The following PPP1R12B variants were observed in gnomAD, a reference collection of about 807,000 sequenced individuals.
The protein encoded by PPP1R12B is protein phosphatase 1 regulatory subunit 12B, also known as myosin phosphatase target subunit 2.
A neutral mutation model predicts 126.1 loss-of-function variants in PPP1R12B; 76 were observed. The observed-to-expected ratio is 0.60, with a 90% CI of 0.50 to 0.73. The LOEUF (loss-of-function observed/expected upper bound fraction) is 0.73. PPP1R12B is among the 30% of genes least tolerant of loss of function. The pLI, the probability that PPP1R12B is intolerant of heterozygous loss-of-function variation, is 0.00. For synonymous variants in PPP1R12B, 356 were observed against 434.7 expected, an observed-to-expected ratio of 0.82 and a Z score of 2.25; for missense variants, 1,052 against 1,205.1, an observed-to-expected ratio of 0.87 and a Z score of 1.88.
chr1:202,356,380 G>A (rs1445119716), intron 1 of PPP1R12B, among the ~76,000 whole-genome samples: 1 of 152,086 alleles, frequency 6.6e-6, no homozygotes, highest in Non-Finnish European at 1.5e-5. Flanking sequence ...GAAAACACAA[G>A]CAGCTGGTAG....
intron 12 of PPP1R12B, among the ~76,000 whole-genome samples, chr1:202,446,742 T>A (rs557853399): frequency 6.6e-6 from 1 of 151,774 alleles, no homozygotes; most frequent in East Asian, 1.9e-4. Context: ...TATGTAACGA[T>A]AAATCTAAAT....
intron 1 of PPP1R12B, among the ~76,000 whole-genome samples, chr1:202,403,808 T>C (rs1041206724): frequency 1.3e-5 from 2 of 152,224 alleles, no homozygotes; most frequent in African/African-American, 4.8e-5. Context: ...ATTCCCTGTT[T>C]TGTCTAAGTG....
intron 1 of PPP1R12B, among the ~76,000 whole-genome samples, chr1:202,362,613 G>A (rs2148413780): frequency 6.7e-6 from 1 of 148,874 alleles, no homozygotes; most frequent in African/African-American, 2.5e-5. Flanking sequence ...AGCTCTGTGT[G>A]TGCTATAGCC....
chr1:202,448,922 G>T lies in PPP1R12B; in HGVS notation c.1668-67G>T, dbSNP rs1171834550. ...ACCACTCTTTAATCCTTCTGTCTCT[G>T]TGCCAGTGCTTTGTTGTATAGCATG... is the stretch of plus-strand genomic sequence containing the variant. On this transcript the variant is annotated intron_variant, in intron 12 of 23. Coordinates refer to ENST00000608999, the MANE Select transcript of PPP1R12B (RefSeq NM_002481.4). The T allele has an allele frequency of 4.0e-6, 6 of 1,495,000 alleles. No homozygotes were observed. In the Admixed American group the frequency reaches 1.0e-4, roughly 26 times the overall value. 92.6% of individuals were successfully genotyped at this position (1,495,000 alleles called of 1,614,324 possible).
At chr1:202,388,764 CAA>C (rs1045453472) in intron 1 of PPP1R12B, among the ~76,000 whole-genome samples, 3 of 152,034 alleles carry the variant, frequency 2.0e-5, no homozygotes, top group African/African-American at 7.2e-5. Flanking sequence ...TAACTCTAGT[CAA>C]AATTTCCATG....
intron 10 of PPP1R12B, 137 bp downstream of exon 10, chr1:202,438,161 C>T: frequency 6.4e-7 from 1 of 1,560,662 alleles, no homozygotes; most frequent in Non-Finnish European, 8.6e-7. Flanking sequence ...GAGAGAGAGG[C>T]ACACTGATAG....
At position 202,525,128 on chromosome 1, in the gene PPP1R12B, C is replaced by A. The variant is rs149677152; in HGVS notation, c.2490+28306C>A. 4.9e-3 allele frequency among the ~76,000 whole-genome samples: 747 copies of A among 152,310 alleles called. 5 individuals are homozygous for A. Among genetic ancestry groups the A allele is most frequent in the Non-Finnish European group, 8.2e-3 (555 of 68,034 alleles). On this transcript the variant is annotated intron_variant, in intron 18 of 23. Transcript: ENST00000608999. Reference sequence around the variant, plus strand: ...TCCTGACCTCAAGTGATCTTCCCACCTTGGCTTCCCAAAGTGCTGGGATTA... The same window carrying A: ...TCCTGACCTCAAGTGATCTTCCCACATTGGCTTCCCAAAGTGCTGGGATTA...
chr1:202,439,268 C>A, intron 10 of PPP1R12B: 1 of 1,399,382 alleles, frequency 7.1e-7, no homozygotes, highest in Non-Finnish European at 1.0e-6. Context: ...TCCACAGAGG[C>A]AAGATACTGG....
chr1:202,394,999 C>T (rs1465721289), intron 1 of PPP1R12B, among the ~76,000 whole-genome samples: 1 of 151,418 alleles, frequency 6.6e-6, no homozygotes, highest in East Asian at 1.9e-4. Flanking sequence ...GCGCTGTAAT[C>T]CCAGCTACTT....
intron 1 of PPP1R12B, among the ~76,000 whole-genome samples, chr1:202,389,373 G>A (rs1298375248): frequency 3.3e-5 from 5 of 152,184 alleles, no homozygotes; most frequent in South Asian, 4.1e-4. Flanking sequence ...GGCCGGGCGC[G>A]GTGGCTCATG....
intron 18 of PPP1R12B, among the ~76,000 whole-genome samples, chr1:202,537,412 A>G (rs1684660093): frequency 6.6e-6 from 1 of 152,148 alleles, no homozygotes; most frequent in Non-Finnish European, 1.5e-5. Context: ...GTTCCATTAT[A>G]GTCTTATGCA....
At chr1:202,483,814 G>A (rs1185831049) in intron 13 of PPP1R12B, among the ~76,000 whole-genome samples, 1 of 152,134 alleles carries the variant, frequency 6.6e-6, no homozygotes, top group Non-Finnish European at 1.5e-5. Context: ...ATGGATGGAT[G>A]TATTTATAGT....
At chr1:202,548,317 A>T (rs1419888508) in intron 18 of PPP1R12B, among the ~76,000 whole-genome samples, 1 of 152,224 alleles carries the variant, frequency 6.6e-6, no homozygotes, top group Non-Finnish European at 1.5e-5. Context: ...AATTACAGGA[A>T]CAGACAAACC....
intron 18 of PPP1R12B, among the ~76,000 whole-genome samples, chr1:202,509,426 T>G (rs576075059): frequency 6.6e-6 from 1 of 152,208 alleles, no homozygotes; most frequent in Non-Finnish European, 1.5e-5. Context: ...GAGGAGAAAG[T>G]CTGAAATGGT....
chr1:202,459,356 CTTTCTT>C (rs1674024013), intron 13 of PPP1R12B, among the ~76,000 whole-genome samples: 1 of 152,086 alleles, frequency 6.6e-6, no homozygotes, highest in Non-Finnish European at 1.5e-5. Flanking sequence ...GGACAACAGT[CTTTCTT>C]ATAATGTAAG....
chr1:202,434,632 T>A, intron 8 of PPP1R12B, 24 bp from the exon 9 acceptor site: 1 of 1,597,806 alleles, frequency 6.3e-7, no homozygotes, highest in Non-Finnish European at 8.5e-7. Flanking sequence ...TAGTACTTGT[T>A]AATTCTCTTG....
intron 13 of PPP1R12B, among the ~76,000 whole-genome samples, chr1:202,480,622 C>T (rs375026079): frequency 2.2e-4 from 33 of 152,150 alleles, no homozygotes; most frequent in Non-Finnish European, 3.8e-4. Flanking sequence ...TATATGCTAC[C>T]GTGAGTAATA....
At chr1:202,386,203 C>T (rs992074512) in intron 1 of PPP1R12B, among the ~76,000 whole-genome samples, 1 of 152,182 alleles carries the variant, frequency 6.6e-6, no homozygotes, top group East Asian at 1.9e-4. Flanking sequence ...ACTGGGATTA[C>T]AGGCGTGAGC....
At position 202,580,612 on chromosome 1, in the gene PPP1R12B, C is replaced by T; in HGVS notation, c.*52C>T. 1 of 1,422,168 alleles carries T rather than the reference C, an allele frequency of 7.0e-7. No homozygotes were observed. The highest frequency in any genetic ancestry group is 9.9e-7 in the Non-Finnish European group (1 of 1,005,944). 88.1% of individuals were successfully genotyped at this position (1,422,168 alleles called of 1,614,324 possible). A position where few individuals can be genotyped will look rare whatever the true frequency, so the allele number is the denominator to read the frequency against. The stretch of plus-strand genomic sequence containing the variant: ...AAAGGGACAGCATTTGCTGCCCCCA[C>T]CCCTCTTTTCCAGTCCTTGCCTTCC... On this transcript the variant is annotated 3_prime_UTR_variant, in exon 24 of 24. Transcript: ENST00000608999.
Sources: gnomAD v4.1 joint callset for allele counts (sites outside exome capture counted in the v4.1 genomes callset) on GRCh38, gnomAD v4.1.1 for gene constraint, MANE v1.5 for transcripts, NCBI Gene and HGNC (gene_info 2026-07-23, HGNC 2026-07-21) for gene names.